The following SLC41A2 variants were observed in gnomAD, a reference collection of about 807,000 sequenced individuals.
The protein encoded by SLC41A2 is solute carrier family 41 member 2, also known as SLC41A1-like 1.
In SLC41A2, 32 loss-of-function variants were observed where a neutral mutation model predicts 58.3. That is an observed-to-expected ratio of 0.55 (90% confidence interval 0.41 to 0.74). The LOEUF is 0.74. SLC41A2 is among the 30% of genes least tolerant of loss of function. The pLI, the probability that SLC41A2 is intolerant of heterozygous loss-of-function variation, is 0.00. For missense variants in SLC41A2, 514 were observed against 680.6 expected (o/e 0.76, Z 2.72); for synonymous variants, 190 against 235.0 (o/e 0.81, Z 1.75).
intron 10 of SLC41A2, among the ~76,000 whole-genome samples, chr12:104,812,231 C>A (rs2041205477): frequency 1.3e-5 from 2 of 152,186 alleles, no homozygotes; most frequent in African/African-American, 4.8e-5. Context: ...ACAGCCCACC[C>A]CTACTTCCAT....
intron 3 of SLC41A2, among the ~76,000 whole-genome samples, chr12:104,901,133 A>T (rs1237081878): frequency 6.6e-6 from 1 of 152,222 alleles, no homozygotes; most frequent in African/African-American, 2.4e-5. Flanking sequence ...TTTTGCCTAC[A>T]GTAGAAAAGG....
chr12:104,832,626 G>A (rs1215591467), intron 10 of SLC41A2, among the ~76,000 whole-genome samples: 1 of 152,068 alleles, frequency 6.6e-6, no homozygotes, highest in Non-Finnish European at 1.5e-5. Context: ...AACTGTTATA[G>A]CTATAGATAA....
At chr12:104,947,733 C>T (rs971366403) in intron 1 of SLC41A2, among the ~76,000 whole-genome samples, 3 of 151,774 alleles carry the variant, frequency 2.0e-5, no homozygotes, top group African/African-American at 7.3e-5. Context: ...TTCAGGGAAC[C>T]ACAATGTTTT....
chr12:104,918,593 A>G (rs1274671698), intron 2 of SLC41A2, among the ~76,000 whole-genome samples: 2 of 150,258 alleles, frequency 1.3e-5, no homozygotes, highest in African/African-American at 2.5e-5. Context: ...ATTAATGCAA[A>G]TACATTCATT....
chr12:104,805,900 A>T (rs915902032), intron 10 of SLC41A2, among the ~76,000 whole-genome samples: 1 of 152,138 alleles, frequency 6.6e-6, no homozygotes, highest in Non-Finnish European at 1.5e-5. Flanking sequence ...CATAAAATGG[A>T]AATATTTTAA....
At chr12:104,826,810 TA>T (rs2041862046) in intron 10 of SLC41A2, among the ~76,000 whole-genome samples, 2 of 152,206 alleles carry the variant, frequency 1.3e-5, no homozygotes, top group South Asian at 4.1e-4. Context: ...GGAGAGACAT[TA>T]TGTCACTTTT....
chr12:104,943,713 G>C (rs551351433), intron 1 of SLC41A2, among the ~76,000 whole-genome samples: 6 of 152,266 alleles, frequency 3.9e-5, no homozygotes, highest in East Asian at 3.9e-4. Flanking sequence ...TGCTGAGAGG[G>C]GGGACTGAGA....
chr12:104,831,064 C>A (rs2042018204), intron 10 of SLC41A2, among the ~76,000 whole-genome samples: 1 of 152,018 alleles, frequency 6.6e-6, no homozygotes, highest in Admixed American at 6.6e-5. Context: ...GCTTTACTTT[C>A]TTTTCTTTTC....
intron 3 of SLC41A2, among the ~76,000 whole-genome samples, chr12:104,900,363 A>G (rs1288735182): frequency 6.6e-6 from 1 of 152,196 alleles, no homozygotes; most frequent in Non-Finnish European, 1.5e-5. Flanking sequence ...ATATTTTATA[A>G]CAAAACATTG....
chr12:104,812,309 T>C (rs181566106), intron 10 of SLC41A2, among the ~76,000 whole-genome samples: 17 of 152,364 alleles, frequency 1.1e-4, no homozygotes, highest in African/African-American at 4.1e-4. Flanking sequence ...GAATGTTAAA[T>C]AATGCAGAAT....
At chr12:104,911,488 G>A (rs2046084590) in intron 2 of SLC41A2, among the ~76,000 whole-genome samples, 1 of 152,080 alleles carries the variant, frequency 6.6e-6, no homozygotes, top group African/African-American at 2.4e-5. Flanking sequence ...TTTTACAAGT[G>A]CTATTAAGAG....
chr12:104,943,967 C>T (rs1435152372), intron 1 of SLC41A2, among the ~76,000 whole-genome samples: 1 of 152,130 alleles, frequency 6.6e-6, no homozygotes, highest in Non-Finnish European at 1.5e-5. Context: ...GCATTCGAGG[C>T]AGCAACGGCT....
chr12:104,938,379 G>A (rs578076061), intron 1 of SLC41A2, among the ~76,000 whole-genome samples: 19 of 152,136 alleles, frequency 1.2e-4, no homozygotes, highest in Admixed American at 9.2e-4. Flanking sequence ...ATTACTCCCC[G>A]TTATTGGTCC....
At chr12:104,921,203 A>T (rs2046580354) in intron 2 of SLC41A2, among the ~76,000 whole-genome samples, 2 of 152,082 alleles carry the variant, frequency 1.3e-5, no homozygotes, top group Admixed American at 6.5e-5. Context: ...AGAGCAAGGG[A>T]TAGAAAGCTT....
At chr12:104,823,096 G>C (rs1322571825) in intron 10 of SLC41A2, among the ~76,000 whole-genome samples, 1 of 152,134 alleles carries the variant, frequency 6.6e-6, no homozygotes, top group East Asian at 1.9e-4. Context: ...TGAAAACCCA[G>C]ACATAATCAA....
intron 8 of SLC41A2, among the ~76,000 whole-genome samples, chr12:104,850,667 AT>A (rs1464501805): frequency 6.6e-6 from 1 of 152,242 alleles, no homozygotes; most frequent in African/African-American, 2.4e-5. Context: ...CAATTTAAAC[AT>A]TATTGTTTTA....
intron 8 of SLC41A2, among the ~76,000 whole-genome samples, chr12:104,853,536 C>T (rs2042879265): frequency 6.6e-6 from 1 of 152,092 alleles, no homozygotes; most frequent in South Asian, 2.1e-4. Flanking sequence ...TTGGAACACC[C>T]TTTTAGTGAA....
chr12:104,942,095 GGTATATTTATTCCCCCTACTCT>G (rs2047531806), intron 1 of SLC41A2, among the ~76,000 whole-genome samples: 1 of 151,928 alleles, frequency 6.6e-6, no homozygotes, highest in African/African-American at 2.4e-5. Context: ...AAAAAAAAGA[GGTATATTTATTCCCCCTACTCT>G]GTCTTAAACA....
At chr12:104,914,490 C>G (rs759308154) in intron 2 of SLC41A2, among the ~76,000 whole-genome samples, 9 of 152,158 alleles carry the variant, frequency 5.9e-5, no homozygotes, top group Non-Finnish European at 1.2e-4. Flanking sequence ...AAAAGACATA[C>G]CATCCAAAGA....
Sources: allele counts gnomAD v4.1 joint callset (sites outside exome capture counted in the v4.1 genomes callset), GRCh38; gene constraint gnomAD v4.1.1; transcripts MANE v1.5; gene names NCBI Gene and HGNC (gene_info 2026-07-23, HGNC 2026-07-21).